AFF2: variants seen among roughly 807,000 people sequenced by gnomAD.
AFF2 encodes the protein AF4/FMR2 family member 2.
Under a neutral mutation model 76.9 loss-of-function variants are expected in AFF2, and 14 were observed. The observed-to-expected ratio is 0.18, with a 90% CI of 0.12 to 0.28. AFF2 has a LOEUF of 0.28. Among genes scored for constraint, AFF2 ranks in the 10% least tolerant of loss-of-function variants. AFF2 has a pLI of 1.00. For missense variants in AFF2, 868 were observed against 1,001.1 expected (o/e 0.87, Z 1.79); for synonymous variants, 398 against 366.7 (o/e 1.09, Z -0.98).
chrX:148,819,986 T>G (rs2070309131), intron 4 of AFF2, among the ~76,000 whole-genome samples: 1 of 111,655 alleles, frequency 9.0e-6, no homozygotes, highest in Non-Finnish European at 1.9e-5. Context: ...CTTGTCTGTG[T>G]CCTTGACCTT....
intron 18 of AFF2, among the ~76,000 whole-genome samples, chrX:148,979,848 C>G (rs1557290677): frequency 1.8e-5 from 2 of 112,290 alleles, no homozygotes; most frequent in Non-Finnish European, 3.8e-5. Context: ...ACTGGACTCC[C>G]GAAAATGCTG....
At chrX:148,565,956 A>C (rs1243592718) in intron 1 of AFF2, among the ~76,000 whole-genome samples, 3 of 111,341 alleles carry the variant, frequency 2.7e-5, no homozygotes, top group Non-Finnish European at 3.8e-5. Flanking sequence ...AGTTAGGTTA[A>C]AGGTATATAT....
rs181892202 is a variant in AFF2 at position 148,777,985 on chromosome X, G to A, written c.1042-31891G>A. Among the ~76,000 whole-genome samples the A allele has an allele frequency of 8.0e-3, 900 of 111,984 alleles. 6 individuals carry two copies. Among genetic ancestry groups the A allele is most frequent in the African/African-American group, 0.028 (850 of 30,793 alleles). On this transcript the variant is annotated intron_variant, in intron 3 of 20. Coordinates refer to ENST00000370460, the MANE Select transcript of AFF2 (RefSeq NM_002025.4). ...CCCATTCAGTATGATATTGTCTGTG[G>A]TTTTGTCATAAATAGCTCTTATTAT...
intron 2 of AFF2, among the ~76,000 whole-genome samples, chrX:148,656,644 C>T (rs1269016314): frequency 3.8e-5 from 4 of 104,708 alleles, no homozygotes; most frequent in South Asian, 4.5e-4. Context: ...GGACTACAGG[C>T]GCCCGCCACT....
At chrX:148,984,686 A>G (rs4844079) in intron 19 of AFF2, among the ~76,000 whole-genome samples, 2,236 of 112,146 alleles carry the variant, frequency 0.02, 96 homozygotes, top group Admixed American at 0.12. Flanking sequence ...TAAATAAATT[A>G]GAGAATAGTA....
intron 4 of AFF2, among the ~76,000 whole-genome samples, chrX:148,823,913 G>A (rs186882283): frequency 1.2e-4 from 13 of 111,931 alleles, no homozygotes; most frequent in African/African-American, 4.2e-4. Context: ...TCAGGCCTCA[G>A]ACAAAGTGTC....
chrX:148,501,239 G>A (rs1165469246), intron 1 of AFF2, 95 bp downstream of exon 1: 4 of 1,094,054 alleles, frequency 3.7e-6, no homozygotes, highest in Middle Eastern at 2.9e-4. Context: ...AGCTGTCGTG[G>A]GGGGCGCCCC....
In AFF2 at chrX:148,500,978, C is replaced by T; in HGVS notation, c.-120C>T. On this transcript the variant is annotated 5_prime_UTR_variant, in exon 1 of 21. Transcript: ENST00000370460. ...GCCGATGCGGCCCGGACACTTTTAG[C>T]TGGGCGGGAGGGCTGGAGAGCCGGG... 2 of 898,643 alleles carry T rather than the reference C, an allele frequency of 2.2e-6. No homozygotes were observed. The highest frequency in any genetic ancestry group is 3.0e-6 in the Non-Finnish European group (2 of 666,315). The allele number at this position is 898,643 out of a possible 1,213,427, so 74.1% of individuals were successfully genotyped here. A position where few individuals can be genotyped will look rare whatever the true frequency, so the allele number is the denominator to read the frequency against.
chrX:148,801,590 C>T (rs1332167591), intron 3 of AFF2, among the ~76,000 whole-genome samples: 3 of 111,836 alleles, frequency 2.7e-5, no homozygotes, highest in Non-Finnish European at 5.6e-5. Context: ...TGTCCATGTT[C>T]CTATTTCAGG....
At chrX:148,795,498 G>A (rs1299095861) in intron 3 of AFF2, among the ~76,000 whole-genome samples, 1 of 108,245 alleles carries the variant, frequency 9.2e-6, no homozygotes, top group Non-Finnish European at 1.9e-5. Context: ...AATTAATAAA[G>A]CATATTTATA....
intron 12 of AFF2, among the ~76,000 whole-genome samples, chrX:148,960,499 A>G (rs2072096363): frequency 8.9e-6 from 1 of 112,274 alleles, no homozygotes; most frequent in African/African-American, 3.2e-5. Flanking sequence ...AAAGAGCCTC[A>G]ATTAGTTTCT....
intron 1 of AFF2, among the ~76,000 whole-genome samples, chrX:148,599,432 A>G (rs532311267): frequency 1.8e-5 from 2 of 111,459 alleles, no homozygotes; most frequent in South Asian, 7.7e-4. Context: ...TGGCTTGATC[A>G]GTCCAAACAT....
At chrX:148,504,534 C>G (rs2124181446) in intron 1 of AFF2, among the ~76,000 whole-genome samples, 1 of 112,520 alleles carries the variant, frequency 8.9e-6, no homozygotes, top group African/African-American at 3.2e-5. Flanking sequence ...TGCAAACGGG[C>G]AGTTATACAG....
chrX:148,540,094 G>A (rs781985305), intron 1 of AFF2, among the ~76,000 whole-genome samples: 1 of 111,922 alleles, frequency 8.9e-6, no homozygotes, highest in South Asian at 3.7e-4. Context: ...CTGAAAGTAT[G>A]TGCACTTCCA....
At chrX:148,698,797 G>GTTTTTTTTTTTTTTTTT (rs142604433) in intron 3 of AFF2, among the ~76,000 whole-genome samples, 4 of 71,709 alleles carry the variant, frequency 5.6e-5, no homozygotes, top group Admixed American at 1.5e-4. Context: ...GAGTTCTAGT[G>GTTTTTTTTTTTTTTTTT]TTTTTTTTTT....
At chrX:148,618,398 C>T (rs967897586) in intron 1 of AFF2, among the ~76,000 whole-genome samples, 2 of 111,049 alleles carry the variant, frequency 1.8e-5, no homozygotes, top group East Asian at 5.7e-4. Context: ...GGAGAAGTGC[C>T]GACCAAAGGG....
At chrX:148,567,159 C>G (rs1464036285) in intron 1 of AFF2, among the ~76,000 whole-genome samples, 1 of 111,632 alleles carries the variant, frequency 9.0e-6, no homozygotes, top group Non-Finnish European at 1.9e-5. Flanking sequence ...ACACATACAA[C>G]CATGCAGCGG....
rs958097685 is a variant in AFF2 at position 148,996,828 on chromosome X, C to T, written c.*5496C>T. 1.8e-5 allele frequency: 2 copies of T among 111,719 alleles called. No individual in the cohort carries two copies. The highest frequency in any genetic ancestry group is 9.5e-5 in the Admixed American group (1 of 10,538). 9.2% of individuals were successfully genotyped at this position (111,719 alleles called of 1,213,427 possible). On this transcript the variant is annotated 3_prime_UTR_variant, in exon 21 of 21. Transcript: ENST00000370460. ...AAAATGGGCACTCAGAAAACCCTCA[C>T]GATTGATTTTTTAAAAAGATAAGTG...
At chrX:148,854,686 A>G (rs1432267262) in intron 7 of AFF2, among the ~76,000 whole-genome samples, 1 of 111,607 alleles carries the variant, frequency 9.0e-6, no homozygotes, top group Non-Finnish European at 1.9e-5. Flanking sequence ...TGATGCTCCC[A>G]GAGCCAGGGA....
Sources: gnomAD v4.1 joint callset for allele counts (sites outside exome capture counted in the v4.1 genomes callset) on GRCh38, gnomAD v4.1.1 for gene constraint, MANE v1.5 for transcripts, NCBI Gene and HGNC (gene_info 2026-07-23, HGNC 2026-07-21) for gene names.